TMCC1: variants seen among roughly 807,000 people sequenced by gnomAD.
TMCC1 encodes the protein transmembrane and coiled-coil domain family 1, also known as transmembrane and coiled-coil domains protein 1.
In TMCC1, 15 loss-of-function variants were observed where a neutral mutation model predicts 52.4. The ratio of observed to expected loss-of-function variants is 0.29; its 90% CI spans 0.19 to 0.44. The LOEUF (loss-of-function observed/expected upper bound fraction) is 0.44, where lower values mean the gene tolerates loss of function less well. Among genes scored for constraint, TMCC1 ranks in the 20% least tolerant of loss-of-function variants. The probability of loss-of-function intolerance (pLI) is 1.00; values close to 1 mark genes in which losing one functional copy is unlikely to be tolerated. For missense variants in TMCC1, 503 were observed against 806.0 expected (o/e 0.62, Z 4.55); for synonymous variants, 279 against 301.9 (o/e 0.92, Z 0.79).
chr3:129,650,884 C>T lies in TMCC1; in HGVS notation c.*597G>A, dbSNP rs2086284687. 6.5e-6 allele frequency: 1 copy of T among 153,934 alleles called. No individual in the cohort carries two copies. Among genetic ancestry groups the T allele is most frequent in the Non-Finnish European group, 1.5e-5 (1 of 68,962 alleles). The allele number at this position is 153,934 out of a possible 1,614,324, so 9.5% of individuals were successfully genotyped here. On this transcript the variant is annotated 3_prime_UTR_variant, in exon 7 of 7. Coordinates refer to ENST00000393238, the MANE Select transcript of TMCC1 (RefSeq NM_001017395.5). ...GATGCTTTCACTTTTGTATCCTCGT[C>T]AAGGTTAAGGGGCAGGTTCAAAAGT... is the stretch of plus-strand genomic sequence containing the variant.
chr3:129,867,346 A>G (rs183430880), intron 2 of TMCC1, among the ~76,000 whole-genome samples: 76 of 152,314 alleles, frequency 5.0e-4, no homozygotes, highest in African/African-American at 1.8e-3. Context: ...AACATTACAA[A>G]TAGAGAACAC....
At chr3:129,768,090 G>A (rs2054273106) in intron 4 of TMCC1, among the ~76,000 whole-genome samples, 1 of 152,198 alleles carries the variant, frequency 6.6e-6, no homozygotes, top group Non-Finnish European at 1.5e-5. Context: ...TTGCAAGGCT[G>A]AGGTGGGAGG....
At chr3:129,719,928 C>T (rs1334459302) in intron 4 of TMCC1, among the ~76,000 whole-genome samples, 1 of 152,044 alleles carries the variant, frequency 6.6e-6, no homozygotes, top group Non-Finnish European at 1.5e-5. Flanking sequence ...CCTGTAATCT[C>T]AACATTTTGG....
chr3:129,716,329 A>ATTTTTTTTTTTTTTTT (rs71155569), intron 4 of TMCC1, among the ~76,000 whole-genome samples: 1 of 73,646 alleles, frequency 1.4e-5, no homozygotes, highest in Non-Finnish European at 3.0e-5. Context: ...CACCTGGCAA[A>ATTTTTTTTTTTTTTTT]TTTTTTTTTT....
intron 4 of TMCC1, among the ~76,000 whole-genome samples, chr3:129,741,745 A>C (rs917668600): frequency 2.0e-5 from 3 of 152,142 alleles, no homozygotes; most frequent in African/African-American, 7.2e-5. Flanking sequence ...CACTTATTAT[A>C]ATCACTGAAG....
At chr3:129,806,377 C>T (rs1161425330) in intron 4 of TMCC1, among the ~76,000 whole-genome samples, 1 of 152,202 alleles carries the variant, frequency 6.6e-6, no homozygotes, top group Non-Finnish European at 1.5e-5. Flanking sequence ...GAATTTCAGT[C>T]CTCTTCCACC....
intron 2 of TMCC1, among the ~76,000 whole-genome samples, chr3:129,838,262 C>T (rs148139494): frequency 1.3e-5 from 2 of 151,858 alleles, no homozygotes; most frequent in East Asian, 1.9e-4. Context: ...AAAAATCAGC[C>T]GGGAATGATG....
chr3:129,741,135 G>T (rs1280583580), intron 4 of TMCC1, among the ~76,000 whole-genome samples: 1 of 152,048 alleles, frequency 6.6e-6, no homozygotes, highest in African/African-American at 2.4e-5. Context: ...GTGATATAAA[G>T]AAATCAGGAA....
At chr3:129,731,711 T>C (rs2050558207) in intron 4 of TMCC1, among the ~76,000 whole-genome samples, 1 of 152,126 alleles carries the variant, frequency 6.6e-6, no homozygotes, top group South Asian at 2.1e-4. Flanking sequence ...ATTTCATACT[T>C]ACTGGCTCAA....
intron 2 of TMCC1, among the ~76,000 whole-genome samples, chr3:129,865,835 G>T (rs563226140): frequency 6.6e-6 from 1 of 152,252 alleles, no homozygotes; most frequent in East Asian, 1.9e-4. Context: ...ATAGGTTTAT[G>T]GGAATGCAAA....
At chr3:129,758,730 T>C (rs948563472) in intron 4 of TMCC1, among the ~76,000 whole-genome samples, 1 of 152,226 alleles carries the variant, frequency 6.6e-6, no homozygotes, top group Non-Finnish European at 1.5e-5. Flanking sequence ...AAGTATATAG[T>C]TCAGTAGTGT....
At chr3:129,678,863 C>T (rs960280244) in intron 4 of TMCC1, among the ~76,000 whole-genome samples, 4 of 152,166 alleles carry the variant, frequency 2.6e-5, no homozygotes, top group Non-Finnish European at 4.4e-5. Context: ...ATTGTCCTAG[C>T]AATGCAACAG....
In TMCC1 at chr3:129,831,495, A is replaced by G. The variant is rs868634812; in HGVS notation, c.-131+1279T>C. Reference sequence around the variant, plus strand: ...TTTAAACATCAAGTTTTAAGGTAATAATTTTGAAAAACAATCTACTGTACT... The same window carrying G: ...TTTAAACATCAAGTTTTAAGGTAATGATTTTGAAAAACAATCTACTGTACT... On this transcript the variant is annotated intron_variant, in intron 3 of 6. Coordinates refer to ENST00000393238, the MANE Select transcript of TMCC1 (RefSeq NM_001017395.5). Among the ~76,000 whole-genome samples, 10 of 152,322 alleles carry G rather than the reference A, an allele frequency of 6.6e-5. No individual in the cohort carries two copies. In the South Asian group the frequency reaches 1.2e-3, roughly 19 times the overall value.
At position 129,661,677 on chromosome 3, in the gene TMCC1, C is replaced by T. The variant is rs553783642; in HGVS notation, c.1512-6574G>A. 4.6e-5 allele frequency among the ~76,000 whole-genome samples: 7 copies of T among 152,184 alleles called. No individual in the cohort carries two copies. The East Asian group carries it at 1.4e-3, about 29-fold the overall frequency. Reference sequence around the variant, plus strand: ...AATCAGGTTGGTGTGGTGGCATGTGCCTGTAATCCCAGCTACTTGGGAGGC... The same window carrying T: ...AATCAGGTTGGTGTGGTGGCATGTGTCTGTAATCCCAGCTACTTGGGAGGC... On this transcript the variant is annotated intron_variant, in intron 5 of 6. Coordinates refer to ENST00000393238, the MANE Select transcript of TMCC1 (RefSeq NM_001017395.5).
chr3:129,678,176 T>C (rs964042368), intron 4 of TMCC1, among the ~76,000 whole-genome samples: 5 of 151,622 alleles, frequency 3.3e-5, no homozygotes, highest in East Asian at 1.9e-4. Flanking sequence ...CTCCTTGGAC[T>C]CCCAAAGTGC....
At position 129,833,120 on chromosome 3, in the gene TMCC1, C is replaced by T. The variant is rs146893907; in HGVS notation, c.-183-294G>A. On this transcript the variant is annotated intron_variant, in intron 2 of 6. Transcript: ENST00000393238. ...TTTTAAGAAGCAATAAATATTTTAA[C>T]ATTATCATACTGAATAAGGAATGGA... 8.6e-3 allele frequency among the ~76,000 whole-genome samples: 1,309 copies of T among 152,146 alleles called. 10 individuals are homozygous for T. Among genetic ancestry groups the T allele is most frequent in the Middle Eastern group, 0.017 (5 of 292 alleles).
chr3:129,693,465 T>C (rs951667712), intron 4 of TMCC1, among the ~76,000 whole-genome samples: 4 of 151,984 alleles, frequency 2.6e-5, no homozygotes, highest in African/African-American at 9.7e-5. Context: ...CCAAATGTCC[T>C]TTGTTAACTC....
chr3:129,692,492 A>G (rs1157518538), intron 4 of TMCC1, among the ~76,000 whole-genome samples: 1 of 152,214 alleles, frequency 6.6e-6, no homozygotes, highest in East Asian at 1.9e-4. Flanking sequence ...ATATGCTATT[A>G]GAGTGGTTAT....
At chr3:129,830,229 A>G (rs1460321681) in intron 3 of TMCC1, among the ~76,000 whole-genome samples, 1 of 152,212 alleles carries the variant, frequency 6.6e-6, no homozygotes, top group Non-Finnish European at 1.5e-5. Flanking sequence ...GAACCAAGAA[A>G]GAAACCCTTG....
Sources: gnomAD v4.1 joint callset for allele counts (sites outside exome capture counted in the v4.1 genomes callset) on GRCh38, gnomAD v4.1.1 for gene constraint, MANE v1.5 for transcripts, NCBI Gene and HGNC (gene_info 2026-07-23, HGNC 2026-07-21) for gene names.